Variants in NFXL1 observed in about 807,000 individuals in gnomAD.
NFXL1 encodes nuclear transcription factor, X-box binding like 1, also known as NF-X1-type zinc finger protein NFXL1.
NFXL1 carries 66 observed loss-of-function variants against 123.3 expected under a neutral mutation model. The observed-to-expected ratio is 0.54, with a 90% CI of 0.44 to 0.66. The LOEUF (loss-of-function observed/expected upper bound fraction) is 0.66. Among genes scored for constraint, NFXL1 ranks in the 30% least tolerant of loss-of-function variants. The pLI, the probability that NFXL1 is intolerant of heterozygous loss-of-function variation, is 0.00. For missense variants in NFXL1, 944 were observed against 1,125.6 expected, an observed-to-expected ratio of 0.84 and a Z score of 2.31; for synonymous variants, 346 against 360.8, an observed-to-expected ratio of 0.96 and a Z score of 0.46.
chr4:47,881,825 A>G (rs906429962), intron 15 of NFXL1, among the ~76,000 whole-genome samples: 1 of 152,210 alleles, frequency 6.6e-6, no homozygotes, highest in African/African-American at 2.4e-5. Flanking sequence ...ATTCTGGAAA[A>G]GGCAAAACTA....
At chr4:47,901,521 C>T (rs770978024) in intron 5 of NFXL1, among the ~76,000 whole-genome samples, 1 of 152,048 alleles carries the variant, frequency 6.6e-6, no homozygotes, top group African/African-American at 2.4e-5. Flanking sequence ...TAATTCCGTA[C>T]CTATTAGACA....
In NFXL1 at chr4:47,914,049, C is replaced by G. The variant is rs1331005945; in HGVS notation, c.155G>C (p.Gly52Ala). 3 of 1,549,532 alleles carry G rather than the reference C, an allele frequency of 1.9e-6. No homozygotes were observed. The highest frequency in any genetic ancestry group is 2.6e-6 in the Non-Finnish European group (3 of 1,146,960). ...TGCAGCCGCCGTGGTCGCGACTCCT[C>G]CGGGACTGGTGCCAGAAGGAACTGC... ...VGAVPSGTSP[G>A]GVATTAAAGS... The change falls in exon 2 of 23, where the codon GGA becomes GCA. Residue 52 changes from glycine (G) to alanine (A), a missense_variant. Physicochemically the swap from Gly to Ala is moderately conservative, Grantham distance 60. Coordinates refer to ENST00000507489, the MANE Select transcript of NFXL1 (RefSeq NM_001278624.2).
chr4:47,885,940 C>T lies in NFXL1; in HGVS notation c.1603G>A (p.Val535Met), dbSNP rs774410666. Residue 535 changes from valine to methionine, a missense_variant, in exon 13 of 23, where the codon GTG (valine) becomes ATG (methionine). Around this residue, in one of 4 missense-constraint regions of NFXL1, gnomAD observed 296 missense variants for 395.1 expected, o/e 0.75. Transcript: ENST00000507489. ...DVKCNCGNTKVTVPCGRERTT... is the reference protein window; with the variant it reads ...DVKCNCGNTKMTVPCGRERTT... ...CGTTCTCGGCCACAGGGCACTGTCA[C>T]CTTTGTATTGCCACAATTACACTTC... 5 of 1,613,616 alleles carry T rather than the reference C, an allele frequency of 3.1e-6. No homozygotes were observed. The African/African-American group carries it at 5.3e-5, about 17-fold the overall frequency.
chr4:47,885,476 T>C (rs1383491601), intron 14 of NFXL1, 22 bp downstream of exon 14: 2 of 1,571,076 alleles, frequency 1.3e-6, no homozygotes, highest in South Asian at 1.1e-5. Flanking sequence ...GCACTATTTC[T>C]CTAATAGTAT....
rs1015601955 is a variant in NFXL1 at position 47,847,528 on chromosome 4, A to C, written c.*635T>G. ...AAGTTTTACGAAACATGCCAACTTC[A>C]GTTAAAAGCTTCTTACATAAGAAAT... On this transcript the variant is annotated 3_prime_UTR_variant, in exon 23 of 23. Transcript: ENST00000507489. 1.1e-4 allele frequency: 17 copies of C among 152,388 alleles called. No individual in the cohort carries two copies. Among genetic ancestry groups the C allele is most frequent in the African/African-American group, 3.6e-4 (15 of 41,588 alleles). The allele number at this position is 152,388 out of a possible 1,614,324, so 9.4% of individuals were successfully genotyped here. A position where few individuals can be genotyped will look rare whatever the true frequency, so the allele number is the denominator to read the frequency against.
intron 21 of NFXL1, 70 bp from the exon 22 acceptor site, chr4:47,851,218 C>A (rs1396169942): frequency 1.8e-6 from 2 of 1,099,478 alleles, no homozygotes; most frequent in Admixed American, 3.6e-5. Flanking sequence ...TTAACATCTA[C>A]CCATCCAGGT....
intron 19 of NFXL1, among the ~76,000 whole-genome samples, chr4:47,856,608 T>C (rs1182061108): frequency 3.3e-5 from 5 of 152,180 alleles, no homozygotes; most frequent in Admixed American, 2.0e-4. Context: ...TTAGAATCCT[T>C]TTCCATTGTC....
At chr4:47,894,994 G>A (rs1216228311) in intron 10 of NFXL1, among the ~76,000 whole-genome samples, 2 of 152,148 alleles carry the variant, frequency 1.3e-5, no homozygotes, top group African/African-American at 2.4e-5. Flanking sequence ...CTGCAGAATG[G>A]ATATTGTGTT....
In NFXL1 at chr4:47,848,158, T is replaced by C; in HGVS notation, c.*5A>G. ...CTGAGTTACATTAAAAGATCAAAAC[T>C]TTTTTTAATTGACATCATGGGTGAT... On this transcript the variant is annotated 3_prime_UTR_variant, in exon 23 of 23. Transcript: ENST00000507489. The C allele has an allele frequency of 6.5e-7, 1 of 1,542,394 alleles. No individual in the cohort carries two copies. Among genetic ancestry groups the C allele is most frequent in the Non-Finnish European group, 8.8e-7 (1 of 1,139,446 alleles).
At chr4:47,879,853 C>T (rs1356397291) in intron 15 of NFXL1, among the ~76,000 whole-genome samples, 1 of 152,042 alleles carries the variant, frequency 6.6e-6, no homozygotes, top group East Asian at 1.9e-4. Context: ...ATGATTCATG[C>T]TGGAACAAAT....
intron 18 of NFXL1, among the ~76,000 whole-genome samples, chr4:47,871,177 T>A (rs541987751): frequency 5.3e-5 from 8 of 151,952 alleles, no homozygotes; most frequent in African/African-American, 1.9e-4. Context: ...GGTGAAACCC[T>A]GTCTCTACTA....
At chr4:47,872,458 T>C (rs1208701969) in intron 18 of NFXL1, among the ~76,000 whole-genome samples, 6 of 93,858 alleles carry the variant, frequency 6.4e-5, no homozygotes, top group Non-Finnish European at 1.1e-4. Context: ...CGAGACTCTG[T>C]CTCAAAAAAA....
At chr4:47,912,140 C>T (rs558669712) in intron 2 of NFXL1, among the ~76,000 whole-genome samples, 5 of 152,064 alleles carry the variant, frequency 3.3e-5, no homozygotes, top group Admixed American at 6.5e-5. Flanking sequence ...TAAACCTCGA[C>T]GAAAATGTGT....
chr4:47,885,697 C>T (rs1324274638), intron 13 of NFXL1, 40 bp from the exon 14 acceptor site: 1 of 1,546,314 alleles, frequency 6.5e-7, no homozygotes, highest in South Asian at 1.1e-5. Flanking sequence ...TACTTTTAGT[C>T]ATTGAATAAT....
Position 47,883,064 on chromosome 4 carries a change from G to T in NFXL1, c.1916+1282C>A, listed in dbSNP as rs569693790. Among the ~76,000 whole-genome samples the T allele has an allele frequency of 2.6e-5, 4 of 152,162 alleles. No homozygotes were observed. The South Asian group carries it at 6.2e-4, about 24-fold the overall frequency. On this transcript the variant is annotated intron_variant, in intron 15 of 22. Transcript: ENST00000507489. ...TGAACTGTGTGGGCTTTTCACAGAT[G>T]CCCTTTATCAGGTTAAGAAAATTAT...
intron 17 of NFXL1, among the ~76,000 whole-genome samples, chr4:47,875,750 T>G (rs1366918151): frequency 6.6e-6 from 1 of 152,082 alleles, no homozygotes; most frequent in Non-Finnish European, 1.5e-5. Context: ...AGTCTGGAGG[T>G]AATTATCTCA....
At chr4:47,910,144 A>G (rs1057144463) in intron 3 of NFXL1, among the ~76,000 whole-genome samples, 3 of 152,200 alleles carry the variant, frequency 2.0e-5, no homozygotes, top group African/African-American at 7.2e-5. Flanking sequence ...ACCACAGATA[A>G]CACGAATGTA....
chr4:47,878,634 G>A lies in NFXL1; in HGVS notation c.1970C>T (p.Pro657Leu). Residue 657 changes from proline (P) to leucine (L), a missense_variant, in exon 17 of 23, where the codon CCC becomes CTC. This residue lies in a region of NFXL1 where 301 missense variants were observed against 348.0 expected (regional missense o/e 0.86). Transcript: ENST00000507489. ...VSPLPCHAVG[P>L]YSCKRVCGRI... The stretch of plus-strand genomic sequence containing the variant: ...TCCACAAACTCTTTTACAAGAGTAG[G>A]GTCCTACAGCATGGCATGGTAGTGG... 1 of 1,600,700 alleles carries A rather than the reference G, an allele frequency of 6.2e-7. No individual in the cohort carries two copies. Among genetic ancestry groups the A allele is most frequent in the Non-Finnish European group, 8.5e-7 (1 of 1,173,968 alleles).
intron 22 of NFXL1, 64 bp from the exon 23 acceptor site, chr4:47,848,400 T>G: frequency 7.9e-7 from 1 of 1,271,688 alleles, no homozygotes; most frequent in Non-Finnish European, 1.1e-6. Context: ...AGTTTCCATT[T>G]ACATAAAAAT....
Sources: allele counts gnomAD v4.1 joint callset (sites outside exome capture counted in the v4.1 genomes callset), GRCh38; gene constraint gnomAD v4.1.1; regional missense constraint gnomAD v4.1.1; transcripts MANE v1.5; gene names NCBI Gene and HGNC (gene_info 2026-07-23, HGNC 2026-07-21).